The following HNRNPLL variants were observed in gnomAD, a reference collection of about 807,000 sequenced individuals.
HNRNPLL encodes heterogeneous nuclear ribonucleoprotein L-like.
Under a neutral mutation model 67.1 loss-of-function variants are expected in HNRNPLL, and 25 were observed. The ratio of observed to expected loss-of-function variants is 0.37; its 90% confidence interval spans 0.27 to 0.52. The LOEUF (loss-of-function observed/expected upper bound fraction) is 0.52. Among genes scored for constraint, HNRNPLL ranks in the 20% least tolerant of loss-of-function variants. The probability of loss-of-function intolerance (pLI) is 0.90; values close to 1 mark genes in which losing one functional copy is unlikely to be tolerated. For missense variants in HNRNPLL, 542 were observed against 673.9 expected, an observed-to-expected ratio of 0.80 and a Z score of 2.17; for synonymous variants, 267 against 241.7, an observed-to-expected ratio of 1.10 and a Z score of -0.97.
At chr2:38,576,421 A>C (rs1326967083) in intron 7 of HNRNPLL, among the ~76,000 whole-genome samples, 2 of 151,782 alleles carry the variant, frequency 1.3e-5, no homozygotes, top group Non-Finnish European at 3.0e-5. Flanking sequence ...AAAATAATCA[A>C]GGTACACATT....
chr2:38,591,447 G>T, intron 2 of HNRNPLL, 83 bp downstream of exon 2: 1 of 793,430 alleles, frequency 1.3e-6, no homozygotes, highest in Non-Finnish European at 2.3e-6. Context: ...TATTTACTAT[G>T]CTAAACATCA....
intron 3 of HNRNPLL, among the ~76,000 whole-genome samples, chr2:38,585,376 A>T (rs138377548): frequency 1.1e-4 from 16 of 152,246 alleles, no homozygotes; most frequent in Non-Finnish European, 2.1e-4. Context: ...AAGTCTGTCT[A>T]TAATTCCTTA....
At chr2:38,572,089 G>T (rs1167494081) in intron 8 of HNRNPLL, among the ~76,000 whole-genome samples, 2 of 152,074 alleles carry the variant, frequency 1.3e-5, no homozygotes, top group Non-Finnish European at 2.9e-5. Context: ...TAACACTTGG[G>T]CCTAAGATAG....
chr2:38,582,417 TCTC>T (rs1666565871), intron 4 of HNRNPLL, among the ~76,000 whole-genome samples: 1 of 152,086 alleles, frequency 6.6e-6, no homozygotes, highest in African/African-American at 2.4e-5. Context: ...TTCAAGCAAT[TCTC>T]CTGCCTCAGC....
intron 1 of HNRNPLL, chr2:38,602,072 G>C: frequency 3.8e-6 from 1 of 260,830 alleles, no homozygotes; most frequent in Non-Finnish European, 7.4e-6. Flanking sequence ...AAGAGAACCG[G>C]TGGTCCCGAC....
intron 1 of HNRNPLL, among the ~76,000 whole-genome samples, chr2:38,596,188 A>G (rs1415045501): frequency 3.9e-5 from 6 of 152,098 alleles, no homozygotes; most frequent in Non-Finnish European, 8.8e-5. Context: ...TTTCCCCCAA[A>G]ATACTCATAC....
chr2:38,598,572 T>C (rs1469971458), intron 1 of HNRNPLL, among the ~76,000 whole-genome samples: 1 of 152,210 alleles, frequency 6.6e-6, no homozygotes, highest in Admixed American at 6.5e-5. Context: ...AGAACCAGAT[T>C]TTTAGATATG....
intron 7 of HNRNPLL, among the ~76,000 whole-genome samples, chr2:38,576,521 G>A (rs1666306171): frequency 6.6e-6 from 1 of 151,486 alleles, no homozygotes; most frequent in African/African-American, 2.4e-5. Flanking sequence ...CTGCCATATA[G>A]ACTATGGAAC....
At chr2:38,584,454 T>C (rs1020263415) in intron 3 of HNRNPLL, among the ~76,000 whole-genome samples, 2 of 152,250 alleles carry the variant, frequency 1.3e-5, no homozygotes, top group Non-Finnish European at 2.9e-5. Flanking sequence ...TGGAAAGCAC[T>C]GTCACCTATT....
chr2:38,591,060 T>C (rs1008228424), intron 2 of HNRNPLL, among the ~76,000 whole-genome samples: 4 of 152,196 alleles, frequency 2.6e-5, no homozygotes, highest in Non-Finnish European at 5.9e-5. Context: ...CACAGCAATA[T>C]GCACCTAAAC....
chr2:38,587,987 T>C (rs1437652458), intron 2 of HNRNPLL, among the ~76,000 whole-genome samples: 1 of 152,048 alleles, frequency 6.6e-6, no homozygotes, highest in African/African-American at 2.4e-5. Flanking sequence ...TTTTTTTCTC[T>C]CTCTCTCCTG....
At chr2:38,602,151 A>C in intron 1 of HNRNPLL, 3 of 446,052 alleles carry the variant, frequency 6.7e-6, no homozygotes, top group African/African-American at 2.1e-5. Context: ...CCAGAGCGGA[A>C]GCGACGCCTC....
intron 10 of HNRNPLL, among the ~76,000 whole-genome samples, chr2:38,568,742 C>T (rs776115233): frequency 6.6e-6 from 1 of 151,982 alleles, no homozygotes; most frequent in Non-Finnish European, 1.5e-5. Context: ...AGTAGAGTTC[C>T]ACAAAATCAT....
chr2:38,592,380 C>T (rs1322433535), intron 1 of HNRNPLL, among the ~76,000 whole-genome samples: 2 of 152,140 alleles, frequency 1.3e-5, no homozygotes, highest in Non-Finnish European at 2.9e-5. Context: ...TTTCCTGTAA[C>T]GTAGTAGATT....
At chr2:38,592,115 A>C (rs1207879769) in intron 1 of HNRNPLL, among the ~76,000 whole-genome samples, 1 of 152,242 alleles carries the variant, frequency 6.6e-6, no homozygotes, top group African/African-American at 2.4e-5. Flanking sequence ...GAATAAAATA[A>C]ATGTTTGTTT....
chr2:38,575,198 T>C (rs1666251557), intron 7 of HNRNPLL, among the ~76,000 whole-genome samples: 2 of 151,778 alleles, frequency 1.3e-5, no homozygotes, highest in South Asian at 2.1e-4. Context: ...AATTATCTTA[T>C]CTATACTACT....
chr2:38,578,013 T>C (rs1017719586), intron 6 of HNRNPLL: 2 of 470,736 alleles, frequency 4.2e-6, no homozygotes, highest in Admixed American at 2.4e-5. Flanking sequence ...CTGTATTACA[T>C]GGTTTCACAA....
At chr2:38,601,383 TTTTAACC>T (rs1267437304) in intron 1 of HNRNPLL, among the ~76,000 whole-genome samples, 11 of 152,214 alleles carry the variant, frequency 7.2e-5, no homozygotes, top group African/African-American at 2.7e-4. Flanking sequence ...GTAAAAACCC[TTTTAACC>T]TAATAGTAGG....
chr2:38,596,450 G>T (rs1234698818), intron 1 of HNRNPLL, among the ~76,000 whole-genome samples: 2 of 152,060 alleles, frequency 1.3e-5, no homozygotes, highest in Non-Finnish European at 2.9e-5. Context: ...TAGAGACAGG[G>T]TTTCACCATT....
Sources: allele counts gnomAD v4.1 joint callset (sites outside exome capture counted in the v4.1 genomes callset), GRCh38; gene constraint gnomAD v4.1.1; transcripts MANE v1.5; gene names NCBI Gene and HGNC (gene_info 2026-07-23, HGNC 2026-07-21).